Variants in KDM3A observed in about 807,000 individuals in gnomAD.
KDM3A encodes the protein lysine demethylase 3A.
A neutral mutation model predicts 158.0 loss-of-function variants in KDM3A; 60 were observed. The observed-to-expected ratio is 0.38, with a 90% CI of 0.31 to 0.47. The LOEUF (loss-of-function observed/expected upper bound fraction) is 0.47, where lower values mean the gene tolerates loss of function less well. KDM3A is among the 20% of genes least tolerant of loss of function. The probability of loss-of-function intolerance (pLI) is 0.99; values close to 1 mark genes in which losing one functional copy is unlikely to be tolerated. For missense variants in KDM3A, 1,319 were observed against 1,574.3 expected (o/e 0.84, Z 2.74); for synonymous variants, 608 against 549.3 (o/e 1.11, Z -1.49).
At chr2:86,456,330 T>G (rs1672692229) in intron 5 of KDM3A, 112 bp from the exon 6 acceptor site, 1 of 751,596 alleles carries the variant, frequency 1.3e-6, no homozygotes, top group Non-Finnish European at 2.1e-6. Context: ...CTTTTAATGT[T>G]TACTTTTGCG....
At chr2:86,455,373 C>CT (rs1159598078) in intron 5 of KDM3A, among the ~76,000 whole-genome samples, 186 bp downstream of exon 5, 2 of 151,198 alleles carry the variant, frequency 1.3e-5, no homozygotes, top group Non-Finnish European at 2.9e-5. Context: ...CAACCTCTGC[C>CT]TTACAAGTAG....
intron 2 of KDM3A, among the ~76,000 whole-genome samples, chr2:86,448,073 G>A (rs1033188513): frequency 6.6e-6 from 1 of 152,222 alleles, no homozygotes; most frequent in African/African-American, 2.4e-5. Context: ...TAACCAGGGA[G>A]AAACGTATGT....
chr2:86,461,275 T>A (rs1309696200), intron 8 of KDM3A, among the ~76,000 whole-genome samples: 1 of 152,092 alleles, frequency 6.6e-6, no homozygotes, highest in Admixed American at 6.6e-5. Flanking sequence ...AATAGCAGAT[T>A]TCTCCTTTCT....
chr2:86,451,256 G>A (rs1042219684), intron 4 of KDM3A, 43 bp downstream of exon 4: 21 of 1,285,932 alleles, frequency 1.6e-5, no homozygotes, highest in East Asian at 2.3e-5. Context: ...ACAGAAATAC[G>A]AACTCCTTTA....
intron 11 of KDM3A, among the ~76,000 whole-genome samples, chr2:86,471,347 A>G (rs900809526): frequency 6.6e-6 from 1 of 150,668 alleles, no homozygotes. Context: ...ATATGTATAT[A>G]TGTGTGTGTG....
chr2:86,437,150 T>C (rs1682506344), upstream of KDM3A, among the ~76,000 whole-genome samples: 1 of 152,138 alleles, frequency 6.6e-6, no homozygotes, highest in South Asian at 2.1e-4. Context: ...TTATATACTT[T>C]TTTTTTTTGA....
chr2:86,481,771 C>G (rs1673940167), intron 16 of KDM3A, among the ~76,000 whole-genome samples, 159 bp from the exon 17 acceptor site: 1 of 152,270 alleles, frequency 6.6e-6, no homozygotes, highest in East Asian at 1.9e-4. Context: ...AGTGAGGAAT[C>G]GTCTAAGTAA....
At chr2:86,462,061 G>T (rs1672952782) in intron 8 of KDM3A, among the ~76,000 whole-genome samples, 2 of 152,014 alleles carry the variant, frequency 1.3e-5, no homozygotes, top group Non-Finnish European at 1.5e-5. Context: ...TGGAAGGAAG[G>T]TTGGTTAGGA....
At chr2:86,482,394 G>T (rs1335334060) in intron 17 of KDM3A, 64 bp from the exon 18 acceptor site, 2 of 1,579,662 alleles carry the variant, frequency 1.3e-6, no homozygotes, top group Non-Finnish European at 1.7e-6. Flanking sequence ...CTCATTATGG[G>T]AATGGAGTTT....
intron 10 of KDM3A, among the ~76,000 whole-genome samples, chr2:86,469,102 T>C (rs1430994976): frequency 2.0e-5 from 3 of 152,188 alleles, no homozygotes; most frequent in Non-Finnish European, 4.4e-5. Flanking sequence ...TATAACTGAG[T>C]AGGAGTGTTT....
chr2:86,456,914 C>G (rs748953262), intron 7 of KDM3A, 37 bp downstream of exon 7: 2 of 1,573,130 alleles, frequency 1.3e-6, no homozygotes, highest in Admixed American at 1.7e-5. Flanking sequence ...TCTCCTTCCT[C>G]CTTTCCTCCG....
chr2:86,485,597 AT>A, intron 20 of KDM3A, 131 bp from the exon 21 acceptor site: 1 of 1,027,034 alleles, frequency 9.7e-7, no homozygotes, highest in Non-Finnish European at 1.4e-6. Context: ...CATCTTAAAT[AT>A]TTGATGGCTG....
At position 86,451,096 on chromosome 2, in the gene KDM3A, GT is replaced by G; in HGVS notation, c.343-3del. The stretch of plus-strand genomic sequence containing the variant: ...TTATGATGCTAAAGTGTTTTCTTTT[GT>G]TTTAGACGTACAAACCTCTGTTGGA... On this transcript the variant is annotated splice_polypyrimidine_tract_variant and splice_region_variant and intron_variant, in intron 3 of 25. Coordinates refer to ENST00000312912, the MANE Select transcript of KDM3A (RefSeq NM_018433.6). 6.3e-7 allele frequency: 1 copy of G among 1,583,384 alleles called. No individual in the cohort carries two copies. Among genetic ancestry groups the G allele is most frequent in the Non-Finnish European group, 8.6e-7 (1 of 1,166,186 alleles).
intron 8 of KDM3A, among the ~76,000 whole-genome samples, chr2:86,459,017 G>T (rs1672818346): frequency 6.6e-6 from 1 of 152,090 alleles, no homozygotes; most frequent in African/African-American, 2.4e-5. Flanking sequence ...TGGAAGACTA[G>T]GTGTTAGGAC....
intron 12 of KDM3A, 120 bp from the exon 13 acceptor site, chr2:86,477,757 C>A: frequency 1.1e-6 from 1 of 922,334 alleles, no homozygotes; most frequent in Non-Finnish European, 1.6e-6. Flanking sequence ...TGCAATGAAG[C>A]CTGAACAAAG....
chr2:86,465,224 G>A (rs1283448523), intron 9 of KDM3A, among the ~76,000 whole-genome samples: 1 of 152,142 alleles, frequency 6.6e-6, no homozygotes, highest in Non-Finnish European at 1.5e-5. Flanking sequence ...GATGTACAGG[G>A]AAAATACCAA....
chr2:86,490,694 T>C, intron 23 of KDM3A, 187 bp from the exon 24 acceptor site: 2 of 524,742 alleles, frequency 3.8e-6, no homozygotes, highest in Non-Finnish European at 6.7e-6. Flanking sequence ...TCACATTTTC[T>C]TCGTCATTCT....
At chr2:86,480,038 G>A (rs1350571866) in intron 15 of KDM3A, 129 bp from the exon 16 acceptor site, 5 of 691,880 alleles carry the variant, frequency 7.2e-6, no homozygotes, top group African/African-American at 1.8e-5. Context: ...GGATACCCAG[G>A]GCTAACTATT....
intron 9 of KDM3A, among the ~76,000 whole-genome samples, chr2:86,465,158 GAGAA>G (rs1558616112): frequency 6.6e-6 from 1 of 152,196 alleles, no homozygotes; most frequent in Non-Finnish European, 1.5e-5. Context: ...CATTTTTCTG[GAGAA>G]AGAACTCTAG....
Sources: gnomAD v4.1 joint callset for allele counts (sites outside exome capture counted in the v4.1 genomes callset) on GRCh38, gnomAD v4.1.1 for gene constraint, MANE v1.5 for transcripts, NCBI Gene and HGNC (gene_info 2026-07-23, HGNC 2026-07-21) for gene names.